ANO9: variants seen among roughly 807,000 people sequenced by gnomAD.
ANO9 encodes anoctamin 9.
ANO9 carries 80 observed loss-of-function variants against 100.5 expected under a neutral mutation model. The observed-to-expected ratio is 0.80, with a 90% confidence interval of 0.66 to 0.96. ANO9 has a LOEUF of 0.96. ANO9 is among the 40% of genes least tolerant of loss of function. The pLI, the probability that ANO9 is intolerant of heterozygous loss-of-function variation, is 0.00. For synonymous variants in ANO9, 473 were observed against 435.6 expected, an observed-to-expected ratio of 1.09 and a Z score of -1.07; for missense variants, 1,064 against 1,072.7, an observed-to-expected ratio of 0.99 and a Z score of 0.11.
chr11:428,549 C>G lies in ANO9; in HGVS notation c.1111G>C (p.Glu371Gln). 4.3e-6 allele frequency: 7 copies of G among 1,612,696 alleles called. No homozygotes were observed. The highest frequency in any genetic ancestry group is 5.9e-6 in the Non-Finnish European group (7 of 1,179,914). The change falls in exon 13 of 23, where the codon GAG becomes CAG. Residue 371 changes from glutamate to glutamine, a missense_variant. Glu to Gln is a conservative substitution (Grantham distance 29). Transcript: ENST00000332826. Reference protein sequence around the residue: ...LFSSSAVPFLEEQVTTAVVVT... With the variant: ...LFSSSAVPFLQEQVTTAVVVT... The stretch of plus-strand genomic sequence containing the variant: ...ACCACGGCCGTGGTCACCTGCTCCT[C>G]CAGGAAGGGCACGGCCGAGCTGCTG...
At chr11:437,455 C>T (rs1338541917) in intron 1 of ANO9, among the ~76,000 whole-genome samples, 1 of 151,300 alleles carries the variant, frequency 6.6e-6, no homozygotes, top group Non-Finnish European at 1.5e-5. Context: ...CCCTTCTGTC[C>T]TATCCTAGAC....
At chr11:438,493 A>G (rs866770003) in intron 1 of ANO9, among the ~76,000 whole-genome samples, 63 of 142,626 alleles carry the variant, frequency 4.4e-4, no homozygotes, top group Middle Eastern at 7.1e-3. Context: ...AGCCCCCCCA[A>G]CACACACAGC....
intron 1 of ANO9, among the ~76,000 whole-genome samples, chr11:438,457 C>A (rs1328060707): frequency 1.4e-5 from 2 of 144,116 alleles, no homozygotes; most frequent in Non-Finnish European, 3.1e-5. Context: ...GTAGCCACCC[C>A]CTGACACACA....
rs1209344587 is a variant in ANO9, at chr11:418,582, GCCA to G, written c.2135_2137del (p.Val712del). Reference sequence around the variant, plus strand: ...GGCGGCGATGAGCTTGATGCACAAGGCCACGTGCTAGCGGCAGCACAGGAGAGG... The same window carrying G: ...GGCGGCGATGAGCTTGATGCACAAGGCGTGCTAGCGGCAGCACAGGAGAGG... On this transcript the variant is annotated inframe_deletion, in exon 23 of 23. Coordinates refer to ENST00000332826, the MANE Select transcript of ANO9 (RefSeq NM_001012302.3). 6.2e-7 allele frequency: 1 copy of G among 1,612,958 alleles called. No individual in the cohort carries two copies. Among genetic ancestry groups the G allele is most frequent in the South Asian group, 1.1e-5 (1 of 91,086 alleles).
intron 1 of ANO9, among the ~76,000 whole-genome samples, chr11:435,433 A>T (rs1196476546): frequency 6.6e-6 from 1 of 152,104 alleles, no homozygotes; most frequent in Admixed American, 6.5e-5. Context: ...GGTGTAGTCT[A>T]GTCTAGTCTA....
Position 428,116 on chromosome 11 carries a change from G to C in ANO9, c.1306C>G (p.Leu436Val). The C allele has an allele frequency of 6.2e-7, 1 of 1,610,542 alleles. No individual in the cohort carries two copies. Among genetic ancestry groups the C allele is most frequent in the Non-Finnish European group, 8.5e-7 (1 of 1,179,470 alleles). Residue 436 changes from leucine to valine, a missense_variant, in exon 15 of 23, where the codon CTC (leucine) becomes GTC (valine). By Grantham distance (32) the Leu-to-Val change is conservative (BLOSUM62 1). Coordinates refer to ENST00000332826, the MANE Select transcript of ANO9 (RefSeq NM_001012302.3). Reference sequence around the variant, plus strand: ...CCCAGGATGAAGGCGATGTAGATGAGAGACGAGAAATGGGTGAAGAACTGC... The same window carrying C: ...CCCAGGATGAAGGCGATGTAGATGACAGACGAGAAATGGGTGAAGAACTGC... ...TLQFFTHFSS[L>V]IYIAFILGRI...
rs773761255 is a variant in ANO9, at chr11:428,717, C to T, written c.1020+5G>A. 67 of 1,612,950 alleles carry T rather than the reference C, an allele frequency of 4.2e-5. No individual in the cohort carries two copies. The highest frequency in any genetic ancestry group is 1.3e-4 in the East Asian group (6 of 44,898). ...TCCAGCCCCACCGCGGTGTCCCCTG[C>T]GTACCATGAGCAGGGTCAGGACGAG... On this transcript the variant is annotated splice_donor_5th_base_variant and intron_variant, in intron 12 of 22. Transcript: ENST00000332826.
At chr11:433,687 C>A (rs1477460335) in intron 3 of ANO9, 128 bp downstream of exon 3, 11 of 1,440,790 alleles carry the variant, frequency 7.6e-6, no homozygotes, top group Non-Finnish European at 1.0e-5. Context: ...GCCTGGCCCT[C>A]CGTGCCGCCA....
Position 430,070 on chromosome 11 carries a change from G to C in ANO9, c.771+13C>G. On this transcript the variant is annotated intron_variant, in intron 9 of 22. Coordinates refer to ENST00000332826, the MANE Select transcript of ANO9 (RefSeq NM_001012302.3). Reference sequence around the variant, plus strand: ...CTTCCGCAGGCCCTGGGGTGGACCCGGAGGCGACAAACCTTGGCAAAAGTG... The same window carrying C: ...CTTCCGCAGGCCCTGGGGTGGACCCCGAGGCGACAAACCTTGGCAAAAGTG... 6.5e-7 allele frequency: 1 copy of C among 1,549,062 alleles called. No individual in the cohort carries two copies. Among genetic ancestry groups the C allele is most frequent in the Non-Finnish European group, 8.7e-7 (1 of 1,146,708 alleles).
chr11:436,338 A>G (rs549981327), intron 1 of ANO9, among the ~76,000 whole-genome samples: 2 of 152,108 alleles, frequency 1.3e-5, no homozygotes, highest in African/African-American at 4.8e-5. Context: ...AAGTGCTGGG[A>G]TTACAGGTGT....
At chr11:433,986 G>A in intron 2 of ANO9, 38 bp downstream of exon 2, 2 of 1,550,798 alleles carry the variant, frequency 1.3e-6, no homozygotes, top group Middle Eastern at 1.7e-4. Context: ...GGCAGAGCAG[G>A]GCCAGGTGGG....
chr11:430,009 G>C, intron 9 of ANO9, 74 bp downstream of exon 9: 5 of 1,491,120 alleles, frequency 3.4e-6, no homozygotes, highest in Non-Finnish European at 4.6e-6. Context: ...TCCAGGCCTT[G>C]ATCTCCCCCG....
intron 1 of ANO9, among the ~76,000 whole-genome samples, chr11:438,224 G>A (rs1221284546): frequency 1.3e-5 from 2 of 151,848 alleles, no homozygotes; most frequent in African/African-American, 4.8e-5. Flanking sequence ...CCTCCCCCCA[G>A]GGCAGAGCTA....
intron 9 of ANO9, 75 bp downstream of exon 9, chr11:430,008 T>G: frequency 6.7e-7 from 1 of 1,491,748 alleles, no homozygotes; most frequent in Non-Finnish European, 9.1e-7. Context: ...CTCCAGGCCT[T>G]GATCTCCCCC....
chr11:434,174 C>A, intron 1 of ANO9, 76 bp from the exon 2 acceptor site: 1 of 1,480,576 alleles, frequency 6.8e-7, no homozygotes, highest in Non-Finnish European at 9.1e-7. Flanking sequence ...CGGGTCCCTG[C>A]AGCGGACCAC....
At position 430,376 on chromosome 11, in the gene ANO9, C is replaced by T. The variant is rs1221580571; in HGVS notation, c.567G>A (p.Leu189=). The T allele has an allele frequency of 1.9e-6, 3 of 1,603,236 alleles. No individual in the cohort carries two copies. The highest frequency in any genetic ancestry group is 1.4e-5 in the African/African-American group (1 of 71,874). Residue 189 remains leucine (L), a synonymous_variant, in exon 8 of 23, where the codon CTG becomes CTA. Transcript: ENST00000332826. ...TGTACCAGCCCAGCCAGACGAAGTA[C>T]AGGGCCACCTTTTCCCCAAAGTAGT... is the stretch of plus-strand genomic sequence containing the variant. The part of the protein sequence containing the change: ...IRNYFGEKVA[L]YFVWLGWYTY...
intron 11 of ANO9, 190 bp downstream of exon 11, chr11:429,380 C>T (rs1028453628): frequency 3.0e-5 from 41 of 1,377,796 alleles, no homozygotes; most frequent in Non-Finnish European, 3.8e-5. Flanking sequence ...ACACTCACCC[C>T]ACACGTGGGG....
Position 420,265 on chromosome 11 carries a change from G to A in ANO9, c.1786+198C>T. On this transcript the variant is annotated intron_variant, in intron 19 of 22. Coordinates refer to ENST00000332826, the MANE Select transcript of ANO9 (RefSeq NM_001012302.3). Reference sequence around the variant, plus strand: ...ACGGTTTGTGGGAGGAGCCTACAAAGCGCTCGGCCCCGCCCACTCCTGGTA... The same window carrying A: ...ACGGTTTGTGGGAGGAGCCTACAAAACGCTCGGCCCCGCCCACTCCTGGTA... 2.8e-6 allele frequency: 4 copies of A among 1,427,988 alleles called. No homozygotes were observed. The African/African-American group carries it at 5.8e-5, about 21-fold the overall frequency. The allele number at this position is 1,427,988 out of a possible 1,614,324, so 88.5% of individuals were successfully genotyped here.
rs138925420 is a variant in ANO9, at chr11:422,501, G to A, written c.1335-1303C>T. ...CCCTCTGTGGGGACAGGGAGCAGCT[G>A]GGAGCTGGCCTGACTCAGAAGGAAT... On this transcript the variant is annotated intron_variant, in intron 15 of 22. Transcript: ENST00000332826. The surrounding 1 kb of genome is among the most constrained non-coding windows in gnomAD (Gnocchi z 4.3). 7.9e-5 allele frequency among the ~76,000 whole-genome samples: 12 copies of A among 152,336 alleles called. No individual in the cohort carries two copies. In the East Asian group the frequency reaches 2.1e-3, roughly 27 times the overall value.
Sources: gnomAD v4.1 joint callset for allele counts (sites outside exome capture counted in the v4.1 genomes callset) on GRCh38, gnomAD v4.1.1 for gene constraint, Gnocchi (gnomAD v3.1) non-coding constraint, MANE v1.5 for transcripts, NCBI Gene and HGNC (gene_info 2026-07-23, HGNC 2026-07-21) for gene names.